LAMA2: variants seen among roughly 807,000 people sequenced by gnomAD.
LAMA2 encodes the protein laminin subunit alpha-2.
LAMA2 carries 269 observed loss-of-function variants against 364.8 expected under a neutral mutation model. The ratio of observed to expected loss-of-function variants is 0.74; its 90% confidence interval spans 0.67 to 0.82. The LOEUF (loss-of-function observed/expected upper bound fraction) is 0.82. Among genes scored for constraint, LAMA2 ranks in the 40% least tolerant of loss-of-function variants. The pLI is 0.00. For synonymous variants in LAMA2, 1,379 were observed against 1,370.6 expected (o/e 1.01, Z -0.14); for missense variants, 3,807 against 3,873.2 (o/e 0.98, Z 0.45).
intron 29 of LAMA2, among the ~76,000 whole-genome samples, chr6:129,330,598 G>GTTTTTTT (rs1554273762): frequency 2.3e-5 from 2 of 88,676 alleles, no homozygotes; most frequent in Admixed American, 1.3e-4. Flanking sequence ...TTTGGTTTTT[G>GTTTTTTT]TTTTTTTTTT....
At chr6:129,381,262 G>C (rs1371297216) in intron 34 of LAMA2, among the ~76,000 whole-genome samples, 1 of 152,136 alleles carries the variant, frequency 6.6e-6, no homozygotes, top group Non-Finnish European at 1.5e-5. Context: ...GTGAAAGTAA[G>C]AGTGGTACCA....
At chr6:129,173,722 C>T (rs1418464500) in intron 9 of LAMA2, among the ~76,000 whole-genome samples, 1 of 152,092 alleles carries the variant, frequency 6.6e-6, no homozygotes, top group Non-Finnish European at 1.5e-5. Context: ...GCTCTGATAA[C>T]TTATTTAGGA....
In LAMA2 at chr6:129,315,872, T is replaced by C; in HGVS notation, c.3846T>C (p.Thr1282=). The C allele has an allele frequency of 1.2e-6, 2 of 1,614,128 alleles. No individual in the cohort carries two copies. Among genetic ancestry groups the C allele is most frequent in the Non-Finnish European group, 1.7e-6 (2 of 1,179,984 alleles). The change falls in exon 26 of 65, where the codon ACT becomes ACC. Residue 1282 remains threonine, a synonymous_variant. Transcript: ENST00000421865. The part of the protein sequence containing the change: ...PQVIIRGGTP[T]HARIIVRHMA... ...TGATCATTCGAGGTGGGACACCTACTCATGCTAGAATTATCGTCAGGCATA... is the reference window on the plus strand; with the variant it reads ...TGATCATTCGAGGTGGGACACCTACCCATGCTAGAATTATCGTCAGGCATA...
chr6:129,341,212 C>T (rs1873329), intron 29 of LAMA2, among the ~76,000 whole-genome samples: 37,137 of 152,058 alleles, frequency 0.24, 4,779 homozygotes, highest in South Asian at 0.29. Flanking sequence ...TCTTGATTGA[C>T]TAAATGAAGC....
intron 21 of LAMA2, among the ~76,000 whole-genome samples, chr6:129,299,526 C>T (rs1305777425): frequency 6.6e-6 from 1 of 152,098 alleles, no homozygotes; most frequent in Non-Finnish European, 1.5e-5. Context: ...TGTTATGATT[C>T]CGCTGAAGAA....
At chr6:129,436,154 C>A (rs1005154099) in intron 41 of LAMA2, among the ~76,000 whole-genome samples, 12 of 152,104 alleles carry the variant, frequency 7.9e-5, no homozygotes, top group Non-Finnish European at 1.2e-4. Context: ...AGCAATTTAG[C>A]CAGCACAACC....
At chr6:129,230,089 T>C (rs887222834) in intron 12 of LAMA2, among the ~76,000 whole-genome samples, 1 of 151,922 alleles carries the variant, frequency 6.6e-6, no homozygotes, top group African/African-American at 2.4e-5. Flanking sequence ...CGAGACAAAA[T>C]ATGAGATCTA....
chr6:129,141,063 A>ATT (rs1328982341), intron 4 of LAMA2, among the ~76,000 whole-genome samples: 2 of 152,102 alleles, frequency 1.3e-5, no homozygotes, highest in African/African-American at 4.8e-5. Context: ...ATAAACTCTA[A>ATT]TAATGTTCAG....
chr6:128,903,870 T>C (rs1245621203), intron 1 of LAMA2, among the ~76,000 whole-genome samples: 1 of 151,984 alleles, frequency 6.6e-6, no homozygotes, highest in African/African-American at 2.4e-5. Context: ...ACAGAGACAG[T>C]GGACTTTGGT....
intron 9 of LAMA2, among the ~76,000 whole-genome samples, chr6:129,175,993 T>C (rs1028287797): frequency 6.6e-6 from 1 of 152,102 alleles, no homozygotes. Flanking sequence ...GTTTATATTT[T>C]CTCTTTTTTA....
At chr6:129,292,751 A>G (rs1789801716) in intron 20 of LAMA2, 2 of 951,010 alleles carry the variant, frequency 2.1e-6, no homozygotes, top group Non-Finnish European at 1.3e-6. Context: ...TCTCTTGAAT[A>G]ATATCATTGC....
intron 1 of LAMA2, among the ~76,000 whole-genome samples, chr6:128,991,425 T>C (rs1029250928): frequency 6.6e-6 from 1 of 152,308 alleles, no homozygotes; most frequent in African/African-American, 2.4e-5. Flanking sequence ...CAATCTATTA[T>C]GGAAGCAGAA....
intron 2 of LAMA2, among the ~76,000 whole-genome samples, chr6:129,053,671 G>A (rs892373906): frequency 6.6e-6 from 1 of 152,170 alleles, no homozygotes; most frequent in African/African-American, 2.4e-5. Context: ...AGTAAGAAAA[G>A]CATAAAATAG....
intron 18 of LAMA2, among the ~76,000 whole-genome samples, chr6:129,281,931 A>G (rs1006340382): frequency 6.6e-6 from 1 of 152,156 alleles, no homozygotes; most frequent in Non-Finnish European, 1.5e-5. Context: ...GATAGATCTA[A>G]AATATGAGGG....
chr6:128,962,148 A>G (rs1321606364), intron 1 of LAMA2, among the ~76,000 whole-genome samples: 10 of 87,218 alleles, frequency 1.1e-4, no homozygotes, highest in African/African-American at 5.8e-4. Flanking sequence ...CCATATATAT[A>G]TATATATATA....
At position 129,453,945 on chromosome 6, in the gene LAMA2, CT is replaced by C. The variant is rs11389653; in HGVS notation, c.6574-197del. On this transcript the variant is annotated intron_variant, in intron 46 of 64. Coordinates refer to ENST00000421865, the MANE Select transcript of LAMA2 (RefSeq NM_000426.4). ...AACAAACATGCCTGAGCATTATGGA[CT>C]TTTTTTTTTTTTGCTTTAAGGATAT... Among the ~76,000 whole-genome samples the C allele has an allele frequency of 0.15, 22,017 of 143,172 alleles. 1,671 individuals are homozygous for C. Among genetic ancestry groups the C allele is most frequent in the East Asian group, 0.22 (1,087 of 4,984 alleles). 93.9% of individuals were successfully genotyped at this position (143,172 alleles called of 152,430 possible).
At chr6:129,419,675 A>G (rs1258393808) in intron 40 of LAMA2, among the ~76,000 whole-genome samples, 4 of 152,130 alleles carry the variant, frequency 2.6e-5, no homozygotes, top group Non-Finnish European at 4.4e-5. Context: ...ACACTCACGA[A>G]TTTTAAATTA....
chr6:129,472,883 C>G (rs1226120833), intron 51 of LAMA2, among the ~76,000 whole-genome samples: 1 of 151,878 alleles, frequency 6.6e-6, no homozygotes, highest in Non-Finnish European at 1.5e-5. Context: ...GCATTTTTAA[C>G]CTTGCTTTAT....
At chr6:129,381,224 A>T (rs1225781011) in intron 34 of LAMA2, among the ~76,000 whole-genome samples, 1 of 152,236 alleles carries the variant, frequency 6.6e-6, no homozygotes, top group Non-Finnish European at 1.5e-5. Flanking sequence ...ATATAGATCA[A>T]GTTCCTTATT....
Sources: gnomAD v4.1 joint callset for allele counts (sites outside exome capture counted in the v4.1 genomes callset) on GRCh38, gnomAD v4.1.1 for gene constraint, MANE v1.5 for transcripts, NCBI Gene and HGNC (gene_info 2026-07-23, HGNC 2026-07-21) for gene names.